The following IMMP2L variants were observed in gnomAD, a reference collection of about 807,000 sequenced individuals.
The protein encoded by IMMP2L is inner mitochondrial membrane peptidase subunit 2.
In IMMP2L, 18 loss-of-function variants were observed where a neutral mutation model predicts 19.3. That is an observed-to-expected ratio of 0.93 (90% CI 0.64 to 1.38). The LOEUF is 1.38. Among genes scored for constraint, IMMP2L ranks in the 40% most tolerant of loss-of-function variants. The probability of loss-of-function intolerance (pLI) is 0.00; values close to 1 mark genes in which losing one functional copy is unlikely to be tolerated. For synonymous variants in IMMP2L, 76 were observed against 73.0 expected (o/e 1.04, Z -0.21); for missense variants, 233 against 218.2 (o/e 1.07, Z -0.43).
intron 4 of IMMP2L, among the ~76,000 whole-genome samples, chr7:110,890,235 T>C (rs1810658534): frequency 6.6e-6 from 1 of 152,194 alleles, no homozygotes; most frequent in South Asian, 2.1e-4. Flanking sequence ...ACACTATCTG[T>C]GTTCTGCATA....
At chr7:110,726,236 T>C (rs1270849242) in intron 5 of IMMP2L, among the ~76,000 whole-genome samples, 1 of 152,218 alleles carries the variant, frequency 6.6e-6, no homozygotes, top group Non-Finnish European at 1.5e-5. Context: ...CTTCAAACAC[T>C]GGGCTCCTTG....
Position 111,014,153 on chromosome 7 carries a change from C to T in IMMP2L, c.240-50588G>A, listed in dbSNP as rs149672140. Among the ~76,000 whole-genome samples, 266 of 152,122 alleles carry T rather than the reference C, an allele frequency of 1.7e-3. 1 individual carries two copies. Among genetic ancestry groups the T allele is most frequent in the African/African-American group, 5.2e-3 (217 of 41,482 alleles). ...CCGAGGGAGGCAGATCACTTGAGGC[C>T]GGGAGTTTGAGACCAGTCTGGACAA... On this transcript the variant is annotated intron_variant, in intron 3 of 5. Coordinates refer to ENST00000405709, the MANE Select transcript of IMMP2L (RefSeq NM_032549.4).
chr7:111,464,044 T>C (rs1431570518), intron 3 of IMMP2L, among the ~76,000 whole-genome samples: 4 of 152,172 alleles, frequency 2.6e-5, no homozygotes, highest in Non-Finnish European at 5.9e-5. Flanking sequence ...TCTAGAAGGA[T>C]ATGGCAGAGG....
chr7:111,201,299 T>C (rs1420736053), intron 3 of IMMP2L, among the ~76,000 whole-genome samples: 1 of 151,228 alleles, frequency 6.6e-6, no homozygotes, highest in African/African-American at 2.4e-5. Context: ...AAAAACTGCG[T>C]CAATTTCAGG....
intron 3 of IMMP2L, among the ~76,000 whole-genome samples, chr7:111,005,967 G>GTT (rs34140423): frequency 0.091 from 13,577 of 149,512 alleles, 794 homozygotes; most frequent in East Asian, 0.17. Context: ...GAAAGGCCAG[G>GTT]TTTTTTTTTT....
chr7:110,875,017 G>A (rs1172316892), intron 5 of IMMP2L, among the ~76,000 whole-genome samples: 1 of 151,940 alleles, frequency 6.6e-6, no homozygotes, highest in Non-Finnish European at 1.5e-5. Context: ...GAATCCTCAT[G>A]GCCTAATGAC....
chr7:110,900,913 C>T (rs1351957897), intron 4 of IMMP2L, among the ~76,000 whole-genome samples: 4 of 151,980 alleles, frequency 2.6e-5, no homozygotes, highest in Non-Finnish European at 1.5e-5. Context: ...TTGGCCTCAT[C>T]GCCTCTTGCT....
intron 3 of IMMP2L, chr7:111,392,790 C>T (rs755634160): frequency 4.4e-6 from 2 of 456,590 alleles, no homozygotes; most frequent in South Asian, 1.5e-5. Flanking sequence ...CTCCAAAAAA[C>T]ACTTTACTTA....
At chr7:111,435,169 A>T (rs1837026592) in intron 3 of IMMP2L, among the ~76,000 whole-genome samples, 1 of 151,936 alleles carries the variant, frequency 6.6e-6, no homozygotes, top group Non-Finnish European at 1.5e-5. Context: ...AGATATACTG[A>T]TCACACTTCT....
intron 3 of IMMP2L, among the ~76,000 whole-genome samples, chr7:111,307,411 A>G (rs1321105180): frequency 2.0e-5 from 3 of 151,780 alleles, no homozygotes; most frequent in Non-Finnish European, 2.9e-5. Flanking sequence ...TTTAGTCCTG[A>G]TCTTTGCACT....
chr7:111,549,830 A>G (rs1053920943), intron 1 of IMMP2L, among the ~76,000 whole-genome samples: 1 of 151,882 alleles, frequency 6.6e-6, no homozygotes, highest in African/African-American at 2.4e-5. Context: ...AATCCCAGCT[A>G]CTTGGGAGGC....
At position 110,803,936 on chromosome 7, in the gene IMMP2L, C is replaced by G. The variant is rs1355109051; in HGVS notation, c.408+82657G>C. On this transcript the variant is annotated intron_variant, in intron 5 of 5. Transcript: ENST00000405709. This position sits in a 1 kb window ranked among gnomAD's most constrained non-coding sequence, Gnocchi z 4.2. ...TGCAGGAATCTGTTTACCTAGTCTT[C>G]TTGGTGATTATGATATAAGCTGAAG... Among the ~76,000 whole-genome samples, 1 of 151,964 alleles carries G rather than the reference C, an allele frequency of 6.6e-6. No individual in the cohort carries two copies. The highest frequency in any genetic ancestry group is 2.4e-5 in the African/African-American group (1 of 41,412).
At chr7:111,346,489 T>G (rs1417600676) in intron 3 of IMMP2L, among the ~76,000 whole-genome samples, 8 of 152,130 alleles carry the variant, frequency 5.3e-5, no homozygotes, top group Non-Finnish European at 1.2e-4. Flanking sequence ...CTCCAAGTAG[T>G]TTGGATGGAG....
At chr7:111,156,493 T>C (rs536224315) in intron 3 of IMMP2L, among the ~76,000 whole-genome samples, 1 of 152,128 alleles carries the variant, frequency 6.6e-6, no homozygotes, top group East Asian at 1.9e-4. Context: ...GGCGTTTGCA[T>C]TTCTCCCACA....
chr7:111,175,485 T>C (rs1034698), intron 3 of IMMP2L, among the ~76,000 whole-genome samples: 123,646 of 151,674 alleles, frequency 0.82, 51,692 homozygotes, highest in East Asian at 0.9. Flanking sequence ...CAAAAATACA[T>C]ATTCCATTAG....
chr7:111,391,830 G>A (rs1409695342), intron 3 of IMMP2L: 10 of 701,618 alleles, frequency 1.4e-5, no homozygotes, highest in Non-Finnish European at 2.3e-5. Flanking sequence ...ATGACAACAC[G>A]ACCATACCTC....
In IMMP2L at chr7:110,933,293, C is replaced by T. The variant is rs78827447; in HGVS notation, c.305+30207G>A. Among the ~76,000 whole-genome samples the T allele has an allele frequency of 7.4e-3, 1,129 of 152,234 alleles. 16 individuals are homozygous for T. The highest frequency in any genetic ancestry group is 0.026 in the African/African-American group (1,091 of 41,544). The stretch of plus-strand genomic sequence containing the variant: ...GGTTCTCTGGCTCCTTGAATACCAC[C>T]TTGAACAGAGATACATGATCTAGAA... On this transcript the variant is annotated intron_variant, in intron 4 of 5. Transcript: ENST00000405709.
chr7:110,911,560 C>A (rs904900551), intron 4 of IMMP2L, among the ~76,000 whole-genome samples: 9 of 152,062 alleles, frequency 5.9e-5, no homozygotes, highest in Admixed American at 5.9e-4. Flanking sequence ...CATGTAAATG[C>A]TAAGAACTCC....
intron 1 of IMMP2L, among the ~76,000 whole-genome samples, chr7:111,546,640 C>T (rs1030050996): frequency 6.6e-6 from 1 of 152,036 alleles, no homozygotes; most frequent in African/African-American, 2.4e-5. Flanking sequence ...TGTCTTTGTT[C>T]AAACTATATT....
Sources: gnomAD v4.1 joint callset for allele counts (sites outside exome capture counted in the v4.1 genomes callset) on GRCh38, gnomAD v4.1.1 for gene constraint, Gnocchi (gnomAD v3.1) non-coding constraint, MANE v1.5 for transcripts, NCBI Gene and HGNC (gene_info 2026-07-23, HGNC 2026-07-21) for gene names.